GRAMD1B: variants seen among roughly 807,000 people sequenced by gnomAD.
GRAMD1B encodes protein Aster-B.
A neutral mutation model predicts 99.7 loss-of-function variants in GRAMD1B; 37 were observed. The observed-to-expected ratio is 0.37, with a 90% CI of 0.29 to 0.49. The LOEUF (loss-of-function observed/expected upper bound fraction) is 0.49. Ranked by LOEUF, GRAMD1B falls within the 20% of genes least tolerant of loss-of-function variation. The pLI is 0.98. For missense variants in GRAMD1B, 888 were observed against 1,009.2 expected, an observed-to-expected ratio of 0.88 and a Z score of 1.63; for synonymous variants, 427 against 387.6, an observed-to-expected ratio of 1.10 and a Z score of -1.19.
In GRAMD1B at chr11:123,593,088, C is replaced by A. The variant is rs528627626; in HGVS notation, c.685-994C>A. Among the ~76,000 whole-genome samples the A allele has an allele frequency of 4.6e-5, 7 of 151,956 alleles. No homozygotes were observed. In the South Asian group the frequency reaches 1.5e-3, roughly 32 times the overall value. On this transcript the variant is annotated intron_variant, in intron 4 of 19. Transcript: ENST00000635736. Reference sequence around the variant, plus strand: ...CTCTAGTAAAAATACAAAAATTAGCCGGGAGAGGTGGCACATACCTGTAGT... The same window carrying A: ...CTCTAGTAAAAATACAAAAATTAGCAGGGAGAGGTGGCACATACCTGTAGT...
chr11:123,431,201 C>A, intron 1 of GRAMD1B, 35 bp downstream of exon 1: 1 of 675,418 alleles, frequency 1.5e-6, no homozygotes, highest in South Asian at 1.6e-5. Context: ...CTTCCCTTCC[C>A]TCCCGTCCTC....
chr11:123,358,983 T>C (rs1477931440), intron 1 of GRAMD1B, among the ~76,000 whole-genome samples: 1 of 152,068 alleles, frequency 6.6e-6, no homozygotes, highest in Non-Finnish European at 1.5e-5. Flanking sequence ...GCTATTAACA[T>C]GGATTATGGT....
intron 1 of GRAMD1B, among the ~76,000 whole-genome samples, chr11:123,368,240 C>T (rs116547350): frequency 1.8e-4 from 22 of 120,324 alleles, no homozygotes; most frequent in Admixed American, 1.6e-3. Context: ...GGCGACAGTG[C>T]GAAACTACAT....
rs75072214 is a variant in GRAMD1B, at chr11:123,379,857, A to G, written c.-176+21058A>G. ...CATCTCCTCGTCAGCACTTGTTATCATCTGTCTTTTATGTTATAACCATCC... is the reference window on the plus strand; with the variant it reads ...CATCTCCTCGTCAGCACTTGTTATCGTCTGTCTTTTATGTTATAACCATCC... On this transcript the variant is annotated intron_variant, in intron 1 of 20. Coordinates refer to the GRAMD1B transcript ENST00000638157. Among the ~76,000 whole-genome samples the G allele has an allele frequency of 8.5e-3, 1,300 of 152,264 alleles. 29 individuals are homozygous for G. The highest frequency in any genetic ancestry group is 0.03 in the African/African-American group (1,252 of 41,540).
intron 1 of GRAMD1B, among the ~76,000 whole-genome samples, chr11:123,397,267 G>C (rs145541856): frequency 0.012 from 1,786 of 152,174 alleles, 33 homozygotes; most frequent in African/African-American, 0.042. Context: ...AGTTAGCTGG[G>C]CATGGTGGTG....
chr11:123,496,977 C>T (rs544058791), intron 2 of GRAMD1B, among the ~76,000 whole-genome samples: 17 of 152,160 alleles, frequency 1.1e-4, no homozygotes, highest in African/African-American at 3.1e-4. Context: ...GTTTGTTTGA[C>T]GAGGTCATGT....
chr11:123,625,936 A>AAGAGAGAGAGAGAGAGAG lies in GRAMD1B; in HGVS notation c.*3369_*3386dup, dbSNP rs59323923. ...TAGGAGGGCTGGGGAGGCCCAGTGG[A>AAGAGAGAGAGAGAGAGAG]AGAGAGAGAGAGAGAGAGAGAGAGA... On this transcript the variant is annotated 3_prime_UTR_variant, in exon 20 of 20. Coordinates refer to ENST00000635736, the MANE Select transcript of GRAMD1B (RefSeq NM_001387025.1). 18 of 104,260 alleles carry AAGAGAGAGAGAGAGAGAG rather than the reference A, an allele frequency of 1.7e-4. No individual in the cohort carries two copies. The highest frequency in any genetic ancestry group is 3.6e-4 in the African/African-American group (10 of 27,830). 6.5% of individuals were successfully genotyped at this position (104,260 alleles called of 1,614,324 possible).
At chr11:123,393,210 C>T (rs922498179) in intron 1 of GRAMD1B, among the ~76,000 whole-genome samples, 6 of 152,202 alleles carry the variant, frequency 3.9e-5, no homozygotes, top group Non-Finnish European at 5.9e-5. Context: ...CCCAATAACA[C>T]GCAGTTATTA....
intron 1 of GRAMD1B, among the ~76,000 whole-genome samples, chr11:123,380,221 GGT>G (rs1946827195): frequency 6.6e-6 from 1 of 152,092 alleles, no homozygotes; most frequent in Non-Finnish European, 1.5e-5. Flanking sequence ...TTGTCCTTTT[GGT>G]GTCATAGCTA....
At chr11:123,540,298 TCAAA>T (rs1056501971) in intron 2 of GRAMD1B, among the ~76,000 whole-genome samples, 2 of 152,080 alleles carry the variant, frequency 1.3e-5, no homozygotes, top group African/African-American at 4.8e-5. Context: ...CAAACTGGTC[TCAAA>T]CAACCGGGCT....
chr11:123,382,376 T>G (rs1283206451), intron 1 of GRAMD1B, among the ~76,000 whole-genome samples: 1 of 152,020 alleles, frequency 6.6e-6, no homozygotes, highest in African/African-American at 2.4e-5. Flanking sequence ...CAGAACTTGT[T>G]TTTTTTAGGG....
chr11:123,588,510 G>A (rs181398866), intron 4 of GRAMD1B, among the ~76,000 whole-genome samples: 1 of 152,304 alleles, frequency 6.6e-6, no homozygotes, highest in Admixed American at 6.5e-5. Context: ...GGTAGTTACT[G>A]TAAGGATCCA....
chr11:123,439,944 A>G (rs1949330839), intron 1 of GRAMD1B, among the ~76,000 whole-genome samples: 1 of 152,192 alleles, frequency 6.6e-6, no homozygotes, highest in Non-Finnish European at 1.5e-5. Flanking sequence ...CTAGAAAAAC[A>G]ATAAACAACC....
chr11:123,526,240 C>T (rs1942728578), intron 2 of GRAMD1B: 2 of 1,286,958 alleles, frequency 1.6e-6, no homozygotes, highest in Non-Finnish European at 2.2e-6. Context: ...CCCCAGCACC[C>T]TCAAGAGGTC....
intron 3 of GRAMD1B, among the ~76,000 whole-genome samples, chr11:123,582,859 A>G (rs1949529401): frequency 6.6e-6 from 1 of 152,156 alleles, no homozygotes. Flanking sequence ...GGACGCTTTA[A>G]CACCAGGTGG....
chr11:123,615,996 A>G (rs1019823902), intron 17 of GRAMD1B, among the ~76,000 whole-genome samples: 6 of 152,194 alleles, frequency 3.9e-5, no homozygotes, highest in Admixed American at 2.0e-4. Context: ...ATGACAGCAT[A>G]AGAAACGAAG....
intron 8 of GRAMD1B, among the ~76,000 whole-genome samples, chr11:123,602,138 T>C (rs900076628): frequency 6.6e-6 from 1 of 152,094 alleles, no homozygotes; most frequent in Non-Finnish European, 1.5e-5. Context: ...AGGTCCAGCA[T>C]AGAGAGCTGC....
At chr11:123,436,343 A>G (rs1052890369) in intron 1 of GRAMD1B, among the ~76,000 whole-genome samples, 2 of 152,188 alleles carry the variant, frequency 1.3e-5, no homozygotes, top group Non-Finnish European at 2.9e-5. Context: ...AGGGTTAACA[A>G]ATGCCTATAG....
rs1245543410 is a variant in GRAMD1B, at chr11:123,579,911, A to G, written c.663+2334A>G. The stretch of plus-strand genomic sequence containing the variant: ...AGGGACTGAGAGCTGAGCAGGAATC[A>G]GGGGCCAAACTGGGCCTTTTCATAG... On this transcript the variant is annotated intron_variant, in intron 3 of 19. Transcript: ENST00000635736. Among the ~76,000 whole-genome samples, 5 of 152,214 alleles carry G rather than the reference A, an allele frequency of 3.3e-5. No homozygotes were observed. The South Asian group carries it at 1.0e-3, about 32-fold the overall frequency.
Sources: gnomAD v4.1 joint callset for allele counts (sites outside exome capture counted in the v4.1 genomes callset) on GRCh38, gnomAD v4.1.1 for gene constraint, MANE v1.5 for transcripts, NCBI Gene and HGNC (gene_info 2026-07-23, HGNC 2026-07-21) for gene names.